The following ATP9B variants were observed in gnomAD, a reference collection of about 807,000 sequenced individuals.
The protein encoded by ATP9B is ATPase phospholipid transporting 9B, also known as probable phospholipid-transporting ATPase IIB.
A neutral mutation model predicts 146.1 loss-of-function variants in ATP9B; 110 were observed. That is an observed-to-expected ratio of 0.75 (90% CI 0.65 to 0.88). The LOEUF (loss-of-function observed/expected upper bound fraction) is 0.88, where lower values mean the gene tolerates loss of function less well. ATP9B is among the 40% of genes least tolerant of loss of function. The pLI is 0.00. For synonymous variants in ATP9B, 604 were observed against 569.7 expected, an observed-to-expected ratio of 1.06 and a Z score of -0.86; for missense variants, 1,499 against 1,496.4, an observed-to-expected ratio of 1.00 and a Z score of -0.03.
At position 79,347,942 on chromosome 18, in the gene ATP9B, G is replaced by A; in HGVS notation, c.2838+17G>A. 1 of 1,610,976 alleles carries A rather than the reference G, an allele frequency of 6.2e-7. No individual in the cohort carries two copies. Among genetic ancestry groups the A allele is most frequent in the Non-Finnish European group, 8.5e-7 (1 of 1,178,034 alleles). ...ACCATGCAGGTACTAAGCCTTCTGT[G>A]CTGGCACCCATGGAGGGCAGGGTCC... On this transcript the variant is annotated intron_variant, in intron 24 of 29. Coordinates refer to ENST00000426216, the MANE Select transcript of ATP9B (RefSeq NM_198531.5).
intron 7 of ATP9B, among the ~76,000 whole-genome samples, chr18:79,162,875 C>T (rs1394235590): frequency 2.6e-5 from 4 of 152,136 alleles, no homozygotes; most frequent in South Asian, 4.1e-4. Flanking sequence ...ATGACAGACT[C>T]GTGCTCCGAC....
chr18:79,262,756 A>G (rs889819231), intron 12 of ATP9B, among the ~76,000 whole-genome samples: 6 of 152,202 alleles, frequency 3.9e-5, no homozygotes, highest in South Asian at 2.1e-4. Context: ...TGCAAAAACC[A>G]TCTAGCACTT....
intron 9 of ATP9B, among the ~76,000 whole-genome samples, chr18:79,206,647 AATAAAT>A (rs1456551470): frequency 6.6e-6 from 1 of 151,734 alleles, no homozygotes; most frequent in Non-Finnish European, 1.5e-5. Flanking sequence ...TAAATAAATA[AATAAAT>A]AAATAAATAT....
At chr18:79,247,862 G>A (rs1227102935) in intron 11 of ATP9B, among the ~76,000 whole-genome samples, 1 of 152,128 alleles carries the variant, frequency 6.6e-6, no homozygotes, top group Non-Finnish European at 1.5e-5. Flanking sequence ...TATAGAATAG[G>A]CAAAATGTTA....
intron 13 of ATP9B, chr18:79,299,830 C>A (rs1206111850): frequency 6.6e-6 from 1 of 152,204 alleles, no homozygotes; most frequent in East Asian, 1.9e-4. Context: ...AATGAATACA[C>A]AAATTCTCAG....
rs181613197 is a variant in ATP9B at position 79,261,041 on chromosome 18, A to G, written c.1268+7500A>G. ...AGGAACTTAGGTCCCAGCATGGACCATGGCCAGTGTCTCACCCGTGCCAAA... is the reference window on the plus strand; with the variant it reads ...AGGAACTTAGGTCCCAGCATGGACCGTGGCCAGTGTCTCACCCGTGCCAAA... On this transcript the variant is annotated intron_variant, in intron 12 of 29. Transcript: ENST00000426216. Among the ~76,000 whole-genome samples the G allele has an allele frequency of 3.9e-3, 595 of 152,310 alleles. 9 individuals are homozygous for G. The highest frequency in any genetic ancestry group is 0.025 in the Admixed American group (384 of 15,294).
At chr18:79,273,150 G>A (rs1415568935) in intron 12 of ATP9B, among the ~76,000 whole-genome samples, 2 of 152,248 alleles carry the variant, frequency 1.3e-5, no homozygotes, top group Non-Finnish European at 2.9e-5. Context: ...CATAAGGGGA[G>A]GAAGTAGGAA....
intron 4 of ATP9B, among the ~76,000 whole-genome samples, chr18:79,122,261 C>CT (rs986001220): frequency 6.6e-6 from 1 of 152,034 alleles, no homozygotes; most frequent in African/African-American, 2.4e-5. Flanking sequence ...ACAAACAGAA[C>CT]TTTTTTTAAG....
chr18:79,317,340 T>A (rs1462208006), intron 15 of ATP9B, among the ~76,000 whole-genome samples: 1 of 152,078 alleles, frequency 6.6e-6, no homozygotes, highest in African/African-American at 2.4e-5. Context: ...CAACATAAAT[T>A]TGAAAAAAGA....
At chr18:79,376,649 C>G (rs558591364) in intron 29 of ATP9B, among the ~76,000 whole-genome samples, 2 of 151,360 alleles carry the variant, frequency 1.3e-5, no homozygotes, top group Non-Finnish European at 2.9e-5. Context: ...CTCAGCCTCG[C>G]AAAGTGCTGG....
chr18:79,348,235 G>T, intron 25 of ATP9B, 39 bp downstream of exon 25: 1 of 1,164,180 alleles, frequency 8.6e-7, no homozygotes, highest in Non-Finnish European at 1.2e-6. Context: ...ATCCAGGGGA[G>T]GACTTCTATT....
At chr18:79,341,249 T>C (rs958448048) in intron 19 of ATP9B, among the ~76,000 whole-genome samples, 1 of 149,772 alleles carries the variant, frequency 6.7e-6, no homozygotes. Flanking sequence ...TTAGTTGTGG[T>C]TGGATGTGTG....
Position 79,253,496 on chromosome 18 carries a change from A to G in ATP9B, c.1223A>G (p.Asn408Ser), listed in dbSNP as rs374549676. The G allele has an allele frequency of 4.4e-5, 70 of 1,609,022 alleles. No individual in the cohort carries two copies. Among genetic ancestry groups the G allele is most frequent in the Middle Eastern group, 1.6e-4 (1 of 6,078 alleles). ...GGATTTGTGGGTCCATGGTACCGCA[A>G]TCTTTTTCGGTTCCTTCTCCTCTTT... ...LQGFVGPWYR[N>S]LFRFLLLFSY... Residue 408 changes from asparagine to serine, a missense_variant, in exon 12 of 30, where the codon AAT becomes AGT. By Grantham distance (46) the Asn-to-Ser change is conservative. Coordinates refer to ENST00000426216, the MANE Select transcript of ATP9B (RefSeq NM_198531.5).
chr18:79,144,837 A>G (rs2147446966), intron 6 of ATP9B: 1 of 153,444 alleles, frequency 6.5e-6, no homozygotes, highest in Admixed American at 6.5e-5. Context: ...GTTATATTAC[A>G]CATAATTATT....
In ATP9B at chr18:79,347,797, G is replaced by C. The variant is rs746819784; in HGVS notation, c.2710G>C (p.Asp904His). 6.3e-7 allele frequency: 1 copy of C among 1,596,330 alleles called. No homozygotes were observed. Among genetic ancestry groups the C allele is most frequent in the East Asian group, 2.3e-5 (1 of 43,976 alleles). ...GGGTAAACAGGCCTCGCTGGCGGCC[G>C]ACTTCTCCATCACGCAGTTCCGGCA... ...KEGKQASLAA[D>H]FSITQFRHIG... is the part of the protein sequence containing the mutation. Residue 904 changes from aspartate (D) to histidine (H), a missense_variant, in exon 24 of 30, where the codon GAC becomes CAC. Physicochemically the swap from Asp to His is moderately conservative, Grantham distance 81. Coordinates refer to ENST00000426216, the MANE Select transcript of ATP9B (RefSeq NM_198531.5).
intron 15 of ATP9B, among the ~76,000 whole-genome samples, chr18:79,323,779 A>G (rs1001839641): frequency 5.9e-5 from 9 of 152,134 alleles, no homozygotes; most frequent in African/African-American, 2.2e-4. Flanking sequence ...GGGTGCCGAG[A>G]TCTCTTCAGT....
intron 2 of ATP9B, among the ~76,000 whole-genome samples, chr18:79,101,502 G>A (rs187455277): frequency 2.0e-5 from 3 of 152,316 alleles, no homozygotes; most frequent in Admixed American, 2.0e-4. Context: ...ACATTTGTGT[G>A]TGTGGATGTG....
chr18:79,152,135 C>T (rs1396406354), intron 6 of ATP9B, among the ~76,000 whole-genome samples: 5 of 152,180 alleles, frequency 3.3e-5, no homozygotes, highest in South Asian at 2.1e-4. Context: ...CACCATCTCA[C>T]GCCAGTTAGA....
intron 6 of ATP9B, among the ~76,000 whole-genome samples, chr18:79,149,108 T>C (rs971121175): frequency 6.6e-6 from 1 of 152,246 alleles, no homozygotes; most frequent in Non-Finnish European, 1.5e-5. Context: ...GTACACTTAA[T>C]ACCATTCCTA....
Sources: gnomAD v4.1 joint callset for allele counts (sites outside exome capture counted in the v4.1 genomes callset) on GRCh38, gnomAD v4.1.1 for gene constraint, MANE v1.5 for transcripts, NCBI Gene and HGNC (gene_info 2026-07-23, HGNC 2026-07-21) for gene names.